Variants in RALGAPA2 observed in about 807,000 individuals in gnomAD.
RALGAPA2 encodes the protein Ral GTPase activating protein catalytic subunit alpha 2.
Under a neutral mutation model 230.4 loss-of-function variants are expected in RALGAPA2, and 139 were observed. That is an observed-to-expected ratio of 0.60 (90% confidence interval 0.53 to 0.69). RALGAPA2 has a LOEUF of 0.69. RALGAPA2 is among the 30% of genes least tolerant of loss of function. RALGAPA2 has a pLI of 0.00. For synonymous variants in RALGAPA2, 847 were observed against 837.8 expected (o/e 1.01, Z -0.19); for missense variants, 2,163 against 2,276.0 (o/e 0.95, Z 1.01).
At chr20:20,543,845 A>G (rs1470996035) in intron 24 of RALGAPA2, among the ~76,000 whole-genome samples, 1 of 152,080 alleles carries the variant, frequency 6.6e-6, no homozygotes, top group Non-Finnish European at 1.5e-5. Context: ...AAACCTGCAC[A>G]TTATGCACAT....
chr20:20,606,541 T>C (rs1476655964), intron 14 of RALGAPA2, among the ~76,000 whole-genome samples: 1 of 152,128 alleles, frequency 6.6e-6, no homozygotes, highest in Non-Finnish European at 1.5e-5. Flanking sequence ...TCCTTCCCTC[T>C]CTTTCCTCCT....
chr20:20,436,530 C>T (rs898649076), intron 37 of RALGAPA2, among the ~76,000 whole-genome samples: 3 of 152,152 alleles, frequency 2.0e-5, no homozygotes, highest in African/African-American at 7.2e-5. Flanking sequence ...ATGAGTAAGA[C>T]GGCAAAGTGT....
At position 20,513,071 on chromosome 20, in the gene RALGAPA2, T is replaced by C; in HGVS notation, c.4298A>G (p.Asp1433Gly). The C allele has an allele frequency of 6.2e-7, 1 of 1,608,928 alleles. No homozygotes were observed. Among genetic ancestry groups the C allele is most frequent in the East Asian group, 2.2e-5 (1 of 44,840 alleles). ...SPNLQLFVFNDSTLISYLQTP... is the reference protein window; with the variant it reads ...SPNLQLFVFNGSTLISYLQTP... ...CTGAAGGTAGGAGATGAGGGTGCTA[T>C]CATTAAATACAAACAGCTGCAGGTT... The change falls in exon 32 of 40, where the codon GAT becomes GGT. Residue 1433 changes from aspartate (D) to glycine (G), a missense_variant. Physicochemically the swap from Asp to Gly is moderately conservative, Grantham distance 94. Transcript: ENST00000202677.
chr20:20,629,089 A>G (rs1291381976), intron 10 of RALGAPA2, among the ~76,000 whole-genome samples: 3 of 152,188 alleles, frequency 2.0e-5, no homozygotes, highest in African/African-American at 7.2e-5. Flanking sequence ...TTATAAAAAC[A>G]TGAAAGTATT....
chr20:20,466,020 T>A (rs537266027), intron 37 of RALGAPA2, among the ~76,000 whole-genome samples: 1 of 152,232 alleles, frequency 6.6e-6, no homozygotes, highest in Non-Finnish European at 1.5e-5. Flanking sequence ...GGCACTGTTT[T>A]ACCTGCTTGG....
intron 36 of RALGAPA2, among the ~76,000 whole-genome samples, chr20:20,475,197 T>C (rs1420910191): frequency 1.3e-5 from 2 of 152,180 alleles, no homozygotes; most frequent in African/African-American, 4.8e-5. Context: ...GTGGTTGGCA[T>C]TGGTGAAGGT....
At chr20:20,692,685 G>A (rs987238074) in intron 1 of RALGAPA2, among the ~76,000 whole-genome samples, 5 of 152,348 alleles carry the variant, frequency 3.3e-5, no homozygotes, top group Middle Eastern at 3.4e-3. Context: ...CTGATTTTAA[G>A]GAAGAAGTGT....
intron 24 of RALGAPA2, among the ~76,000 whole-genome samples, chr20:20,539,580 G>T (rs1304740203): frequency 6.6e-6 from 1 of 152,130 alleles, no homozygotes; most frequent in Non-Finnish European, 1.5e-5. Context: ...ACAAACAAGT[G>T]AATTAATATA....
chr20:20,629,333 AC>A, intron 10 of RALGAPA2, 29 bp downstream of exon 10: 3 of 1,368,302 alleles, frequency 2.2e-6, no homozygotes, highest in Non-Finnish European at 3.0e-6. Flanking sequence ...ACACACACAC[AC>A]ACACACACAC....
intron 26 of RALGAPA2, 133 bp downstream of exon 26, chr20:20,535,612 A>T (rs2063476137): frequency 1.5e-6 from 2 of 1,299,584 alleles, no homozygotes; most frequent in Admixed American, 7.2e-5. Context: ...TCCTGGCATC[A>T]TTCTTCCTAG....
chr20:20,634,162 G>C (rs932604639), intron 9 of RALGAPA2, among the ~76,000 whole-genome samples: 1 of 148,996 alleles, frequency 6.7e-6, no homozygotes, highest in African/African-American at 2.5e-5. Flanking sequence ...TTTTTTTTCA[G>C]TTCAGATAAA....
At chr20:20,646,864 G>A (rs1334694354) in intron 4 of RALGAPA2, among the ~76,000 whole-genome samples, 1 of 151,292 alleles carries the variant, frequency 6.6e-6, no homozygotes, top group Non-Finnish European at 1.5e-5. Flanking sequence ...AAAAGAAAAA[G>A]GGTATACTTC....
At chr20:20,468,963 T>TTTG (rs2061480989) in intron 37 of RALGAPA2, among the ~76,000 whole-genome samples, 14 of 143,378 alleles carry the variant, frequency 9.8e-5, no homozygotes, top group East Asian at 4.2e-4. Flanking sequence ...GTGTGTGTGT[T>TTTG]TGTGTGTGTG....
chr20:20,502,848 C>T (rs1262872405), intron 35 of RALGAPA2, among the ~76,000 whole-genome samples: 1 of 152,182 alleles, frequency 6.6e-6, no homozygotes, highest in African/African-American at 2.4e-5. Context: ...CACAGGGTTG[C>T]CTGAGGCAAA....
intron 4 of RALGAPA2, among the ~76,000 whole-genome samples, chr20:20,644,798 T>G (rs951340591): frequency 5.3e-5 from 8 of 152,208 alleles, no homozygotes; most frequent in Non-Finnish European, 1.0e-4. Context: ...GCCCACACCT[T>G]TCCTCAACCT....
At chr20:20,562,905 G>A (rs1246061079) in intron 23 of RALGAPA2, among the ~76,000 whole-genome samples, 2 of 152,164 alleles carry the variant, frequency 1.3e-5, no homozygotes, top group Non-Finnish European at 1.5e-5. Context: ...TCTTTATGGC[G>A]ATTGATAGCT....
chr20:20,652,026 T>C (rs2067416564), intron 4 of RALGAPA2, among the ~76,000 whole-genome samples: 1 of 152,238 alleles, frequency 6.6e-6, no homozygotes, highest in Admixed American at 6.5e-5. Context: ...AGGAAAACTT[T>C]CTTTGTGTAT....
chr20:20,474,757 G>C (rs1032631446), intron 36 of RALGAPA2, among the ~76,000 whole-genome samples: 1 of 152,214 alleles, frequency 6.6e-6, no homozygotes, highest in Admixed American at 6.5e-5. Flanking sequence ...CTCAACTTCA[G>C]ACATGCTAAG....
In RALGAPA2 at chr20:20,399,032, G is replaced by A. The variant is rs900808947; in HGVS notation, c.5618-2298C>T. ...ACCAAAATGTCTCAGAAGGCTCCAC[G>A]GTGGGGTGATAATGGATAAAAGGTT... On this transcript the variant is annotated intron_variant, in intron 38 of 39. Transcript: ENST00000202677. 1.3e-4 allele frequency among the ~76,000 whole-genome samples: 20 copies of A among 152,148 alleles called. 1 individual carries two copies. Among genetic ancestry groups the A allele is most frequent in the African/African-American group, 4.3e-4 (18 of 41,430 alleles).
Sources: gnomAD v4.1 joint callset for allele counts (sites outside exome capture counted in the v4.1 genomes callset) on GRCh38, gnomAD v4.1.1 for gene constraint, MANE v1.5 for transcripts, NCBI Gene and HGNC (gene_info 2026-07-23, HGNC 2026-07-21) for gene names.